Variants in SEZ6L2 observed in about 807,000 individuals in gnomAD.
SEZ6L2 encodes the protein seizure 6-like protein 2.
In SEZ6L2, 44 loss-of-function variants were observed where a neutral mutation model predicts 97.0. That is an observed-to-expected ratio of 0.45 (90% CI 0.36 to 0.58). The LOEUF is 0.58. SEZ6L2 is among the 20% of genes least tolerant of loss of function. The pLI, the probability that SEZ6L2 is intolerant of heterozygous loss-of-function variation, is 0.00. For synonymous variants in SEZ6L2, 543 were observed against 546.1 expected (o/e 0.99, Z 0.08); for missense variants, 1,086 against 1,233.3 (o/e 0.88, Z 1.79).
chr16:29,897,053 G>C lies in SEZ6L2; in HGVS notation c.280C>G (p.Arg94Gly). The C allele has an allele frequency of 1.3e-6, 2 of 1,581,264 alleles. No homozygotes were observed. Among genetic ancestry groups the C allele is most frequent in the South Asian group, 1.1e-5 (1 of 88,492 alleles). ...GQTLAVPSLP[R>G]ATEPGTGPLT... ...GGCCCTGTCCCCGGCTCAGTGGCCCGTGGCAGGGAGGGCACTGCGAGAGTC... is the reference window on the plus strand; with the variant it reads ...GGCCCTGTCCCCGGCTCAGTGGCCCCTGGCAGGGAGGGCACTGCGAGAGTC... Residue 94 changes from arginine (R) to glycine (G), a missense_variant, in exon 3 of 18, where the codon CGG becomes GGG. Arg to Gly is a moderately radical substitution (Grantham distance 125). Around this residue, in one of 2 missense-constraint regions of SEZ6L2, gnomAD observed 776 missense variants for 794.7 expected, o/e 0.98. Coordinates refer to ENST00000617533, the MANE Select transcript of SEZ6L2 (RefSeq NM_001243332.2).
chr16:29,899,110 G>GTTTT lies in SEZ6L2; in HGVS notation c.-95_-92dup, dbSNP rs556364210. On this transcript the variant is annotated 5_prime_UTR_variant, in exon 1 of 18. Transcript: ENST00000617533. ...TCTCCGTTTATCTTTCCCTTTAATT[G>GTTTT]TTTTTTTTTTTTTTTTTTTTTTCCT... 50 of 501,482 alleles carry GTTTT rather than the reference G, an allele frequency of 1.0e-4. No individual in the cohort carries two copies. Among genetic ancestry groups the GTTTT allele is most frequent in the South Asian group, 2.7e-4 (13 of 48,842 alleles). The allele number at this position is 501,482 out of a possible 1,614,324, so 31.1% of individuals were successfully genotyped here.
Position 29,879,329 on chromosome 16 carries a change from G to A in SEZ6L2, c.1573+535C>T, listed in dbSNP as rs536345561. Among the ~76,000 whole-genome samples, 36 of 151,894 alleles carry A rather than the reference G, an allele frequency of 2.4e-4. No homozygotes were observed. The East Asian group carries it at 6.6e-3, about 28-fold the overall frequency. On this transcript the variant is annotated intron_variant, in intron 9 of 17. Transcript: ENST00000617533. ...CAACCTCCGCCTCCCGGGTTCAAGC[G>A]ATTCTCCTGCCTCAGCCTCCTGAGT...
chr16:29,895,298 G>A lies in SEZ6L2; in HGVS notation c.814C>T (p.Arg272Trp), dbSNP rs776157439. 5.3e-5 allele frequency: 86 copies of A among 1,613,830 alleles called. 1 individual carries two copies. The East Asian group carries it at 7.6e-4, about 14-fold the overall frequency. The change falls in exon 5 of 18, where the codon CGG becomes TGG. Residue 272 changes from arginine to tryptophan, a missense_variant. This residue lies in a region of SEZ6L2 where 776 missense variants were observed against 794.7 expected (regional missense o/e 0.98). Transcript: ENST00000617533. ...CTGAAGCCACCGCCCCTTGGGACCC[G>A]TGGGCTCTGGAAGTGCAGAAGCAGC... ...NRLLLHFQSPRVPRGGGFRIH... is the reference protein window; with the variant it reads ...NRLLLHFQSPWVPRGGGFRIH...
At position 29,876,696 on chromosome 16, in the gene SEZ6L2, C is replaced by T; in HGVS notation, c.2104+60G>A. ...GCACGGGGGTCGGGACAGGACAGGC[C>T]GACGACGGGGCCCACAGGGAAGGGG... is the stretch of plus-strand genomic sequence containing the variant. On this transcript the variant is annotated intron_variant, in intron 12 of 17. Coordinates refer to ENST00000617533, the MANE Select transcript of SEZ6L2 (RefSeq NM_001243332.2). This position sits in a 1 kb window ranked among gnomAD's most constrained non-coding sequence, Gnocchi z 6.5. The T allele has an allele frequency of 1.4e-6, 2 of 1,446,658 alleles. No individual in the cohort carries two copies. The highest frequency in any genetic ancestry group is 2.1e-5 in the Admixed American group (1 of 46,622). 89.6% of individuals were successfully genotyped at this position (1,446,658 alleles called of 1,614,324 possible). A position where few individuals can be genotyped will look rare whatever the true frequency, so the allele number is the denominator to read the frequency against.
In SEZ6L2 at chr16:29,877,398, G is replaced by A; in HGVS notation, c.1782C>T (p.Ala594=). 1 of 1,613,160 alleles carries A rather than the reference G, an allele frequency of 6.2e-7. No homozygotes were observed. Among genetic ancestry groups the A allele is most frequent in the East Asian group, 2.2e-5 (1 of 44,880 alleles). Reference sequence around the variant, plus strand: ...GGCGCGGCTGAGGTCCCCGCAGCTGGGCCAAGACTCGGGCGCTGGGACCGT... The same window carrying A: ...GGCGCGGCTGAGGTCCCCGCAGCTGAGCCAAGACTCGGGCGCTGGGACCGT... ...DGDGPSARVL[A]QLRGPQPRRR... The change falls in exon 11 of 18, where the codon GCC becomes GCT. Residue 594 remains alanine, a synonymous_variant. Transcript: ENST00000617533.
intron 8 of SEZ6L2, among the ~76,000 whole-genome samples, chr16:29,885,130 C>T (rs1317917927): frequency 6.6e-6 from 1 of 152,138 alleles, no homozygotes; most frequent in Non-Finnish European, 1.5e-5. Flanking sequence ...ATGGCGTGAA[C>T]CCGGAAGGCG....
chr16:29,879,951 C>A lies in SEZ6L2; in HGVS notation c.1486G>T (p.Ala496Ser). ...TTGGGGGGCCCAGGGGGCTCCAGGG[C>A]ATATCCTGGGAGGCACGAGAAGGTT... ...LATFSCLPGY[A>S]LEPPGPPNAI... is the part of the protein sequence containing the mutation. The change falls in exon 9 of 18, where the codon GCC (alanine) becomes TCC (serine). Residue 496 changes from alanine to serine, a missense_variant. Ala to Ser is a moderately conservative substitution (Grantham distance 99). Coordinates refer to ENST00000617533, the MANE Select transcript of SEZ6L2 (RefSeq NM_001243332.2). 3.7e-6 allele frequency: 6 copies of A among 1,614,176 alleles called. No homozygotes were observed. The highest frequency in any genetic ancestry group is 5.1e-6 in the Non-Finnish European group (6 of 1,180,002).
At chr16:29,888,365 G>A (rs571534736) in intron 6 of SEZ6L2, among the ~76,000 whole-genome samples, 175 bp downstream of exon 6, 163 of 152,214 alleles carry the variant, frequency 1.1e-3, no homozygotes, top group Non-Finnish European at 2.0e-3. Flanking sequence ...CCCAAGGAGA[G>A]AGACCCTCCG....
In SEZ6L2 at chr16:29,895,454, T is replaced by A. The variant is rs2068364523; in HGVS notation, c.658A>T (p.Thr220Ser). 6.8e-6 allele frequency: 11 copies of A among 1,613,892 alleles called. No homozygotes were observed. Among genetic ancestry groups the A allele is most frequent in the Non-Finnish European group, 9.3e-6 (11 of 1,179,904 alleles). Residue 220 changes from threonine to serine, a missense_variant, in exon 5 of 18, where the codon ACG (threonine) becomes TCG (serine). Around this residue, in one of 2 missense-constraint regions of SEZ6L2, gnomAD observed 776 missense variants for 794.7 expected, o/e 0.98. Coordinates refer to ENST00000617533, the MANE Select transcript of SEZ6L2 (RefSeq NM_001243332.2). ...PGYGIEIQVQ[T>S]LNLSQEEELL... is the part of the protein sequence containing the mutation. ...TCCTCTTCCTGTGACAGGTTCAGCGTCTGCACCTAGAGAAGCCAGACACAG... is the reference window on the plus strand; with the variant it reads ...TCCTCTTCCTGTGACAGGTTCAGCGACTGCACCTAGAGAAGCCAGACACAG...
In SEZ6L2 at chr16:29,895,841, G is replaced by A; in HGVS notation, c.531C>T (p.Ile177=). 1 of 1,613,316 alleles carries A rather than the reference G, an allele frequency of 6.2e-7. No individual in the cohort carries two copies. Among genetic ancestry groups the A allele is most frequent in the South Asian group, 1.1e-5 (1 of 90,932 alleles). ...ACTCCACATACCCTTCGCCCTCGGA[G>A]ATGTTGTTATTACACAGAACTGAGG... ...VTSPVLCNNN[I]SEGEGYVESP... Residue 177 remains isoleucine (I), a synonymous_variant, in exon 4 of 18, where the codon ATC becomes ATT. Transcript: ENST00000617533.
At chr16:29,882,656 C>A (rs183561060) in intron 8 of SEZ6L2, among the ~76,000 whole-genome samples, 6 of 151,978 alleles carry the variant, frequency 3.9e-5, no homozygotes, top group Admixed American at 3.9e-4. Flanking sequence ...GGTGGGATCA[C>A]AACTCACAGC....
chr16:29,877,034 C>T, intron 11 of SEZ6L2, 84 bp from the exon 12 acceptor site: 2 of 1,367,700 alleles, frequency 1.5e-6, no homozygotes, highest in Non-Finnish European at 2.0e-6. Flanking sequence ...TCTGTGCCCC[C>T]TCCCGGGATC....
intron 6 of SEZ6L2, 65 bp from the exon 7 acceptor site, chr16:29,887,882 C>G (rs919873572): frequency 1.9e-6 from 3 of 1,557,962 alleles, no homozygotes; most frequent in South Asian, 1.1e-5. Context: ...CTCGGGGCCT[C>G]GGCCCGTTTT....
intron 9 of SEZ6L2, among the ~76,000 whole-genome samples, chr16:29,879,299 C>T (rs570782774): frequency 6.6e-6 from 1 of 152,076 alleles, no homozygotes; most frequent in South Asian, 2.1e-4. Context: ...GATCTCGGCT[C>T]ACCGCAACCT....
chr16:29,873,104 G>T lies in SEZ6L2; in HGVS notation c.2488+136C>A. 1 of 991,422 alleles carries T rather than the reference G, an allele frequency of 1.0e-6. No individual in the cohort carries two copies. The highest frequency in any genetic ancestry group is 1.5e-6 in the Non-Finnish European group (1 of 677,276). 61.4% of individuals were successfully genotyped at this position (991,422 alleles called of 1,614,324 possible). ...ACCCAGGGCTTCTGGACACACCCGT[G>T]AGGACACGAGGCCACAGGAGGAGAA... On this transcript the variant is annotated intron_variant, in intron 14 of 17. Coordinates refer to ENST00000617533, the MANE Select transcript of SEZ6L2 (RefSeq NM_001243332.2). The surrounding 1 kb of genome is among the most constrained non-coding windows in gnomAD (Gnocchi z 4.3).
intron 9 of SEZ6L2, 52 bp from the exon 10 acceptor site, chr16:29,878,477 A>G: frequency 2.6e-6 from 4 of 1,529,524 alleles, no homozygotes; most frequent in Non-Finnish European, 2.7e-6. Context: ...TGCTGTCTTC[A>G]TTTCTCCACA....
At chr16:29,872,340 G>C in intron 16 of SEZ6L2, 57 bp from the exon 17 acceptor site, 1 of 1,601,038 alleles carries the variant, frequency 6.2e-7, no homozygotes, top group Non-Finnish European at 8.6e-7. Flanking sequence ...GAGCTCCCCT[G>C]ACCCAGGCTC....
Position 29,889,614 on chromosome 16 carries a change from C to CTTTTTTTT in SEZ6L2, c.854-897_854-890dup, listed in dbSNP as rs869108927. Among the ~76,000 whole-genome samples the CTTTTTTTT allele has an allele frequency of 2.4e-4, 17 of 70,564 alleles. 1 individual carries two copies. The highest frequency in any genetic ancestry group is 3.1e-4 in the East Asian group (1 of 3,272). 46.3% of individuals were successfully genotyped at this position (70,564 alleles called of 152,430 possible). ...CATCCAGAAGAACCACTTGAAACTT[C>CTTTTTTTT]TTTTTTTTTTTTTTTTTTTTTTTTT... On this transcript the variant is annotated intron_variant, in intron 5 of 17. Coordinates refer to ENST00000617533, the MANE Select transcript of SEZ6L2 (RefSeq NM_001243332.2).
intron 2 of SEZ6L2, 55 bp downstream of exon 2, chr16:29,897,798 A>G: frequency 1.3e-6 from 2 of 1,538,174 alleles, no homozygotes. Flanking sequence ...CATCTCCCTG[A>G]GCCCATATCC....
Sources: allele counts gnomAD v4.1 joint callset (sites outside exome capture counted in the v4.1 genomes callset), GRCh38; gene constraint gnomAD v4.1.1; regional missense constraint gnomAD v4.1.1; non-coding constraint Gnocchi (gnomAD v3.1); transcripts MANE v1.5; gene names NCBI Gene and HGNC (gene_info 2026-07-23, HGNC 2026-07-21).